Variants in COTL1 observed in about 807,000 individuals in gnomAD.
COTL1 encodes the protein coactosin like F-actin binding protein 1, also known as coactosin-like protein.
In COTL1, 15 loss-of-function variants were observed where a neutral mutation model predicts 16.5. That is an observed-to-expected ratio of 0.91 (90% CI 0.61 to 1.40). The LOEUF (loss-of-function observed/expected upper bound fraction) is 1.40, where lower values mean the gene tolerates loss of function less well. Ranked by LOEUF, COTL1 falls within the 40% of genes most tolerant of loss-of-function variation. The pLI, the probability that COTL1 is intolerant of heterozygous loss-of-function variation, is 0.00. For synonymous variants in COTL1, 112 were observed against 85.3 expected, an observed-to-expected ratio of 1.31 and a Z score of -1.73; for missense variants, 220 against 201.5, an observed-to-expected ratio of 1.09 and a Z score of -0.56.
Position 84,614,873 on chromosome 16 carries a change from G to C in COTL1, c.160+2628C>G, listed in dbSNP as rs544014454. 2.6e-5 allele frequency among the ~76,000 whole-genome samples: 4 copies of C among 152,260 alleles called. No individual in the cohort carries two copies. In the East Asian group the frequency reaches 7.7e-4, roughly 29 times the overall value. On this transcript the variant is annotated intron_variant, in intron 2 of 3. Coordinates refer to ENST00000262428, the MANE Select transcript of COTL1 (RefSeq NM_021149.5). The stretch of plus-strand genomic sequence containing the variant: ...TCTAAACAACCTCCTCAGAAGCCAA[G>C]AGCACCTGCCCCGAGCCAGCCTGCC...
At chr16:84,588,475 T>C (rs1176227500) in intron 3 of COTL1, among the ~76,000 whole-genome samples, 1 of 152,210 alleles carries the variant, frequency 6.6e-6, no homozygotes, top group East Asian at 1.9e-4. Context: ...CAATTCAAGA[T>C]AGCACATTGC....
At chr16:84,576,069 A>C (rs1338314115) in intron 3 of COTL1, 2 of 152,134 alleles carry the variant, frequency 1.3e-5, no homozygotes, top group Non-Finnish European at 2.9e-5. Flanking sequence ...TCTCATTCCT[A>C]ACGTTTATTT....
chr16:84,591,031 G>A (rs1904848167), intron 2 of COTL1, among the ~76,000 whole-genome samples: 1 of 152,032 alleles, frequency 6.6e-6, no homozygotes, highest in Non-Finnish European at 1.5e-5. Flanking sequence ...TGGCTTTGAG[G>A]GCTATTTTGT....
chr16:84,615,375 G>A (rs561907493), intron 2 of COTL1, among the ~76,000 whole-genome samples: 1 of 152,294 alleles, frequency 6.6e-6, no homozygotes, highest in South Asian at 2.1e-4. Flanking sequence ...GTGGGAGGAG[G>A]GAAGTGTTCT....
At chr16:84,598,803 G>A (rs1021443684) in intron 2 of COTL1, among the ~76,000 whole-genome samples, 3 of 148,502 alleles carry the variant, frequency 2.0e-5, no homozygotes, top group South Asian at 4.3e-4. Context: ...AGTGGGGGCG[G>A]CGGGGACCAA....
At chr16:84,614,531 AG>A (rs1181027738) in intron 2 of COTL1, among the ~76,000 whole-genome samples, 1 of 151,222 alleles carries the variant, frequency 6.6e-6, no homozygotes, top group East Asian at 1.9e-4. Context: ...CTGAGGTGGG[AG>A]GGCCAGGGAA....
In COTL1 at chr16:84,566,921, T is replaced by G. The variant is rs1904301401; in HGVS notation, c.353A>C (p.Lys118Thr). 6.2e-7 allele frequency: 1 copy of G among 1,614,006 alleles called. No homozygotes were observed. Among genetic ancestry groups the G allele is most frequent in the Non-Finnish European group, 8.5e-7 (1 of 1,179,878 alleles). ...CTTGATGAAATCTTCCTCCAGCTCC[T>G]TCCGATCACTGATCACAAACTCCTT... ...FAKEFVISDR[K>T]ELEEDFIKSE... Residue 118 changes from lysine (K) to threonine (T), a missense_variant, in exon 4 of 4, where the codon AAG (lysine) becomes ACG (threonine). Coordinates refer to ENST00000262428, the MANE Select transcript of COTL1 (RefSeq NM_021149.5).
chr16:84,588,015 G>A (rs543522788), intron 3 of COTL1, among the ~76,000 whole-genome samples: 16 of 152,004 alleles, frequency 1.1e-4, no homozygotes, highest in Middle Eastern at 3.4e-3. Flanking sequence ...TACGTGATCC[G>A]CCTGCCTTGG....
intron 3 of COTL1, among the ~76,000 whole-genome samples, chr16:84,573,740 CAAA>C (rs72401655): frequency 4.3e-4 from 45 of 104,150 alleles, no homozygotes; most frequent in Non-Finnish European, 2.5e-4. Flanking sequence ...AACTCTGTCT[CAAA>C]AAAAAAAAAA....
At chr16:84,615,437 TGATGGGATG>T (rs1395323886) in intron 2 of COTL1, among the ~76,000 whole-genome samples, 1 of 152,188 alleles carries the variant, frequency 6.6e-6, no homozygotes, top group Non-Finnish European at 1.5e-5. Flanking sequence ...AGGAGCCTCC[TGATGGGATG>T]GATGCTCTTT....
At chr16:84,614,604 C>T (rs923729397) in intron 2 of COTL1, among the ~76,000 whole-genome samples, 16 of 152,020 alleles carry the variant, frequency 1.1e-4, no homozygotes, top group Non-Finnish European at 2.2e-4. Flanking sequence ...AAGAGCAGGA[C>T]CCCAGGAAGG....
At chr16:84,603,188 C>T (rs4783033) in intron 2 of COTL1, among the ~76,000 whole-genome samples, 35,032 of 152,140 alleles carry the variant, frequency 0.23, 4,318 homozygotes, top group East Asian at 0.42. Context: ...TTTCCTTCCC[C>T]GTGGACTTTA....
At chr16:84,582,212 C>T (rs779501002) in intron 3 of COTL1, among the ~76,000 whole-genome samples, 2 of 151,842 alleles carry the variant, frequency 1.3e-5, no homozygotes, top group African/African-American at 2.4e-5. Context: ...CCAGGTTGGT[C>T]GCGAACTCCT....
intron 2 of COTL1, among the ~76,000 whole-genome samples, chr16:84,600,376 G>A (rs1408747381): frequency 6.2e-5 from 9 of 145,354 alleles, no homozygotes; most frequent in Admixed American, 2.1e-4. Context: ...GCCGTGGCAC[G>A]ATCTCAGCTT....
At chr16:84,589,481 A>G (rs1476737901) in intron 3 of COTL1, among the ~76,000 whole-genome samples, 1 of 152,098 alleles carries the variant, frequency 6.6e-6, no homozygotes, top group African/African-American at 2.4e-5. Flanking sequence ...TCCCTACTTC[A>G]TGGGTTGTGA....
chr16:84,591,727 G>C (rs112373859), intron 2 of COTL1, among the ~76,000 whole-genome samples: 2 of 150,060 alleles, frequency 1.3e-5, no homozygotes, highest in African/African-American at 4.9e-5. Context: ...GGAGGCTAAG[G>C]TGGGAGGATC....
At chr16:84,593,668 C>T (rs932470089) in intron 2 of COTL1, among the ~76,000 whole-genome samples, 2 of 152,110 alleles carry the variant, frequency 1.3e-5, no homozygotes, top group South Asian at 2.1e-4. Context: ...CCCGCCACCA[C>T]GCCCGGCTAA....
intron 3 of COTL1, among the ~76,000 whole-genome samples, chr16:84,580,277 G>A (rs112984601): frequency 6.6e-6 from 1 of 152,162 alleles, no homozygotes; most frequent in East Asian, 1.9e-4. Flanking sequence ...TTGAGACAAG[G>A]TCTTGCTCTG....
chr16:84,603,010 C>G (rs1197173358), intron 2 of COTL1, among the ~76,000 whole-genome samples: 1 of 152,172 alleles, frequency 6.6e-6, no homozygotes, highest in Admixed American at 6.5e-5. Flanking sequence ...TGGCTTGAAA[C>G]CTCAGCGGCA....
Sources: allele counts gnomAD v4.1 joint callset (sites outside exome capture counted in the v4.1 genomes callset), GRCh38; gene constraint gnomAD v4.1.1; transcripts MANE v1.5; gene names NCBI Gene and HGNC (gene_info 2026-07-23, HGNC 2026-07-21).